Variants in PPARGC1A observed in about 807,000 individuals in gnomAD.
PPARGC1A encodes peroxisome proliferator-activated receptor gamma coactivator 1-alpha.
PPARGC1A carries 25 observed loss-of-function variants against 88.7 expected under a neutral mutation model. That is an observed-to-expected ratio of 0.28 (90% CI 0.21 to 0.39). The LOEUF (loss-of-function observed/expected upper bound fraction) is 0.39. Ranked by LOEUF, PPARGC1A falls within the 10% of genes least tolerant of loss-of-function variation. The pLI, the probability that PPARGC1A is intolerant of heterozygous loss-of-function variation, is 1.00. For synonymous variants in PPARGC1A, 363 were observed against 355.6 expected (o/e 1.02, Z -0.24); for missense variants, 880 against 968.7 (o/e 0.91, Z 1.22).
the PPARGC1A span, among the ~76,000 whole-genome samples, chr4:24,220,342 T>C: frequency 2.0e-5 from 3 of 152,190 alleles, no homozygotes; most frequent in Admixed American, 2.0e-4. Flanking sequence ...AAAAATAGAA[T>C]TGCCATTCGG....
At chr4:23,923,066 G>GT in the PPARGC1A span, among the ~76,000 whole-genome samples, 3,664 of 146,862 alleles carry the variant, frequency 0.025, 152 homozygotes, top group African/African-American at 0.086. Context: ...ACCCCAGGTT[G>GT]TTTTTTTCTA....
At chr4:24,230,808 T>C in the PPARGC1A span, among the ~76,000 whole-genome samples, 1 of 152,068 alleles carries the variant, frequency 6.6e-6, no homozygotes, top group Non-Finnish European at 1.5e-5. Context: ...CAACTATACA[T>C]GTTAAATAGT....
chr4:24,000,871 A>G, the PPARGC1A span, among the ~76,000 whole-genome samples: 5 of 152,210 alleles, frequency 3.3e-5, no homozygotes, highest in African/African-American at 1.2e-4. Flanking sequence ...GTACTATGTC[A>G]CATCATCACA....
the PPARGC1A span, among the ~76,000 whole-genome samples, chr4:24,416,919 T>C: frequency 9.2e-4 from 140 of 151,844 alleles, no homozygotes; most frequent in African/African-American, 3.2e-3. Flanking sequence ...TAATCCCAGC[T>C]ACTCGGGAGG....
At chr4:24,265,294 C>A in the PPARGC1A span, among the ~76,000 whole-genome samples, 3 of 152,156 alleles carry the variant, frequency 2.0e-5, no homozygotes, top group Admixed American at 1.3e-4. Flanking sequence ...ACCAAGGCAA[C>A]TTCTCCTTCT....
chr4:24,094,963 T>G, the PPARGC1A span, among the ~76,000 whole-genome samples: 1 of 152,184 alleles, frequency 6.6e-6, no homozygotes, highest in Non-Finnish European at 1.5e-5. Context: ...CTCTTGTGCT[T>G]CTTAACACCA....
chr4:23,990,168 C>T, the PPARGC1A span, among the ~76,000 whole-genome samples: 16 of 145,804 alleles, frequency 1.1e-4, no homozygotes, highest in South Asian at 4.4e-4. Context: ...ATACATATAA[C>T]GCATATTCCA....
At chr4:24,058,962 T>C in the PPARGC1A span, among the ~76,000 whole-genome samples, 1 of 152,146 alleles carries the variant, frequency 6.6e-6, no homozygotes, top group Non-Finnish European at 1.5e-5. Flanking sequence ...TGAATTCCTA[T>C]AATATAGCTA....
At chr4:24,145,128 T>G in the PPARGC1A span, among the ~76,000 whole-genome samples, 1 of 151,584 alleles carries the variant, frequency 6.6e-6, no homozygotes, top group South Asian at 2.1e-4. Context: ...CATATGCATA[T>G]ATATGCATGC....
chr4:24,199,279 T>C, the PPARGC1A span, among the ~76,000 whole-genome samples: 19 of 152,312 alleles, frequency 1.2e-4, no homozygotes, highest in African/African-American at 4.3e-4. Flanking sequence ...TTCTGAGCTG[T>C]ACCTGGGCTA....
the PPARGC1A span, among the ~76,000 whole-genome samples, chr4:24,354,645 G>A: frequency 6.6e-6 from 1 of 152,134 alleles, no homozygotes; most frequent in South Asian, 2.1e-4. Flanking sequence ...CCAGCACTTT[G>A]GGAGGCCAAG....
At chr4:24,267,926 A>C in the PPARGC1A span, among the ~76,000 whole-genome samples, 1 of 152,180 alleles carries the variant, frequency 6.6e-6, no homozygotes, top group Non-Finnish European at 1.5e-5. Context: ...AGCAATCTAC[A>C]AACAACAGTG....
the PPARGC1A span, among the ~76,000 whole-genome samples, chr4:24,125,702 G>A: frequency 6.6e-6 from 1 of 152,062 alleles, no homozygotes; most frequent in Non-Finnish European, 1.5e-5. Context: ...GAAGATTAGA[G>A]GTTCATGTAA....
the PPARGC1A span, among the ~76,000 whole-genome samples, chr4:24,089,267 C>G: frequency 6.6e-6 from 1 of 152,152 alleles, no homozygotes; most frequent in African/African-American, 2.4e-5. Flanking sequence ...AGTTTCCTCC[C>G]TTAGGGACAG....
At chr4:23,979,590 G>A in the PPARGC1A span, among the ~76,000 whole-genome samples, 4 of 152,136 alleles carry the variant, frequency 2.6e-5, no homozygotes, top group Non-Finnish European at 4.4e-5. Flanking sequence ...CTCCTATCCA[G>A]CATCCTGATA....
chr4:24,350,080 G>GT, the PPARGC1A span, among the ~76,000 whole-genome samples: 3 of 152,242 alleles, frequency 2.0e-5, no homozygotes. Flanking sequence ...AGCTTCTCCA[G>GT]TGGGGGGTGT....
the PPARGC1A span, among the ~76,000 whole-genome samples, chr4:24,283,165 T>TAG: frequency 6.6e-6 from 1 of 152,208 alleles, no homozygotes; most frequent in African/African-American, 2.4e-5. Context: ...GTGGTGGTAT[T>TAG]TGATCCAAAA....
At chr4:24,005,398 G>T in the PPARGC1A span, among the ~76,000 whole-genome samples, 1 of 152,094 alleles carries the variant, frequency 6.6e-6, no homozygotes, top group Non-Finnish European at 1.5e-5. Context: ...AGTTGGAAAT[G>T]GTAGCCTACC....
At chr4:24,325,954 C>CAGTT in the PPARGC1A span, among the ~76,000 whole-genome samples, 42 of 152,300 alleles carry the variant, frequency 2.8e-4, no homozygotes, top group African/African-American at 9.6e-4. Context: ...TCCACCTGCC[C>CAGTT]AGTTCCCTTA....
Sources: allele counts gnomAD v4.1 joint callset (sites outside exome capture counted in the v4.1 genomes callset), GRCh38; gene constraint gnomAD v4.1.1; transcripts MANE v1.5; gene names NCBI Gene and HGNC (gene_info 2026-07-23, HGNC 2026-07-21).